Variants in SCARA3 observed in about 807,000 individuals in gnomAD.
The protein encoded by SCARA3 is cellular stress response gene protein.
A neutral mutation model predicts 47.0 loss-of-function variants in SCARA3; 39 were observed. That is an observed-to-expected ratio of 0.83 (90% CI 0.64 to 1.08). The LOEUF is 1.08. SCARA3 is among the 50% of genes least tolerant of loss of function. SCARA3 has a pLI of 0.00. For synonymous variants in SCARA3, 356 were observed against 334.1 expected, an observed-to-expected ratio of 1.07 and a Z score of -0.71; for missense variants, 724 against 792.3, an observed-to-expected ratio of 0.91 and a Z score of 1.04.
chr8:27,733,144 A>G, the SCARA3 span, among the ~76,000 whole-genome samples: 1 of 152,036 alleles, frequency 6.6e-6, no homozygotes, highest in South Asian at 2.1e-4. Context: ...CCTTCCCTTT[A>G]CTAGGATTTG....
At chr8:27,666,775 G>A (rs1235791778) in intron 5 of SCARA3, among the ~76,000 whole-genome samples, 1 of 152,096 alleles carries the variant, frequency 6.6e-6, no homozygotes, top group African/African-American at 2.4e-5. Flanking sequence ...TCCCATGGGT[G>A]GGCAGTGCTG....
chr8:27,635,112 GGGC>G (rs1801222426), intron 1 of SCARA3, among the ~76,000 whole-genome samples: 1 of 152,170 alleles, frequency 6.6e-6, no homozygotes, highest in Admixed American at 6.5e-5. Context: ...AAACTGAAAA[GGGC>G]CTTTGAGATC....
chr8:27,642,030 A>T (rs1801393133), intron 1 of SCARA3, among the ~76,000 whole-genome samples: 1 of 152,242 alleles, frequency 6.6e-6, no homozygotes, highest in Non-Finnish European at 1.5e-5. Flanking sequence ...GTGGAGTTAA[A>T]CACAGATTTA....
the SCARA3 span, among the ~76,000 whole-genome samples, chr8:27,687,686 T>A: frequency 1.3e-5 from 2 of 152,014 alleles, no homozygotes; most frequent in African/African-American, 4.8e-5. Context: ...CTCTCTGGTG[T>A]CTGGCCCAAG....
At chr8:27,641,193 G>A (rs549383966) in intron 1 of SCARA3, among the ~76,000 whole-genome samples, 11 of 152,246 alleles carry the variant, frequency 7.2e-5, no homozygotes, top group Non-Finnish European at 1.2e-4. Context: ...GTTCCTAGAA[G>A]GAGGATTACT....
the SCARA3 span, chr8:27,703,690 C>G: frequency 6.6e-6 from 1 of 152,010 alleles, no homozygotes; most frequent in Non-Finnish European, 1.5e-5. Context: ...GGACTCCGGA[C>G]CTGGAAAGAA....
the SCARA3 span, among the ~76,000 whole-genome samples, chr8:27,721,558 G>A: frequency 6.6e-6 from 1 of 152,172 alleles, no homozygotes; most frequent in South Asian, 2.1e-4. Flanking sequence ...GTTGGTTCTG[G>A]CCTTTAGAGT....
chr8:27,649,799 G>T lies in SCARA3; in HGVS notation c.105G>T (p.Lys35Asn), dbSNP rs1365019896. ...TGCCGACCTTCCCATGCACCCAGAAGGGTAAGGACTCTGGGGCTGCCCCTG... is the reference window on the plus strand; with the variant it reads ...TGCCGACCTTCCCATGCACCCAGAATGGTAAGGACTCTGGGGCTGCCCCTG... ...EDMPTFPCTQ[K>N]GRPGPRCSRC... The change falls in exon 2 of 6, where the codon AAG (lysine) becomes AAT (asparagine). Residue 35 changes from lysine to asparagine, a missense_variant and splice_region_variant. Physicochemically the swap from Lys to Asn is moderately conservative, Grantham distance 94. Transcript: ENST00000301904. 6.2e-7 allele frequency: 1 copy of T among 1,612,778 alleles called. No individual in the cohort carries two copies. The highest frequency in any genetic ancestry group is 1.3e-5 in the African/African-American group (1 of 74,916).
intron 5 of SCARA3, among the ~76,000 whole-genome samples, chr8:27,667,385 G>T (rs1022334234): frequency 6.6e-6 from 1 of 152,154 alleles, no homozygotes; most frequent in Non-Finnish European, 1.5e-5. Context: ...AAGGCTCTGG[G>T]GTCTTCCTCC....
intron 2 of SCARA3, 51 bp downstream of exon 2, chr8:27,649,851 T>A: frequency 6.8e-7 from 1 of 1,476,328 alleles, no homozygotes; most frequent in Non-Finnish European, 9.4e-7. Flanking sequence ...GAGAGATCCC[T>A]GTCTCCATCC....
chr8:27,642,985 G>A (rs1232617161), intron 1 of SCARA3, among the ~76,000 whole-genome samples: 5 of 152,116 alleles, frequency 3.3e-5, no homozygotes, highest in Non-Finnish European at 7.4e-5. Flanking sequence ...TGAGTGAGTA[G>A]CCTAGGTTCT....
intron 1 of SCARA3, among the ~76,000 whole-genome samples, chr8:27,647,259 A>C (rs1379849133): frequency 2.6e-5 from 4 of 152,056 alleles, no homozygotes; most frequent in East Asian, 3.9e-4. Context: ...CACATACACA[A>C]AGTTTAGTTT....
At chr8:27,725,343 A>G in the SCARA3 span, among the ~76,000 whole-genome samples, 1 of 151,714 alleles carries the variant, frequency 6.6e-6, no homozygotes, top group African/African-American at 2.4e-5. Context: ...GTACTGCTCT[A>G]TTTCCTAACC....
intron 5 of SCARA3, among the ~76,000 whole-genome samples, chr8:27,662,228 G>C (rs1801926663): frequency 6.6e-6 from 1 of 152,230 alleles, no homozygotes; most frequent in Non-Finnish European, 1.5e-5. Context: ...TTCTGGACCT[G>C]TGAGTCTGAC....
rs1241703968 is a variant in SCARA3 at position 27,646,963 on chromosome 8, ACCG to A, written c.8-2736_8-2734del. Among the ~76,000 whole-genome samples, 31 of 26,636 alleles carry A rather than the reference ACCG, an allele frequency of 1.2e-3. 5 individuals carry two copies. The highest frequency in any genetic ancestry group is 1.6e-3 in the Non-Finnish European group (23 of 14,142). The allele number at this position is 26,636 out of a possible 152,430, so 17.5% of individuals were successfully genotyped here. A position where few individuals can be genotyped will look rare whatever the true frequency, so the allele number is the denominator to read the frequency against. On this transcript the variant is annotated intron_variant, in intron 1 of 5. Coordinates refer to ENST00000301904, the MANE Select transcript of SCARA3 (RefSeq NM_016240.3). The stretch of plus-strand genomic sequence containing the variant: ...TCCAAAGCACTTGCCCGCACCCCTG[ACCG>A]CCCCCGCCCCCCCCCCGCACACACA...
the SCARA3 span, chr8:27,697,383 G>A: frequency 1.2e-5 from 1 of 84,690 alleles, no homozygotes; most frequent in Admixed American, 1.7e-4. Flanking sequence ...TGTTGCAGAT[G>A]TGGCCTGAGG....
intron 1 of SCARA3, among the ~76,000 whole-genome samples, chr8:27,634,895 G>A (rs1801216825): frequency 2.6e-5 from 4 of 152,200 alleles, no homozygotes; most frequent in Non-Finnish European, 4.4e-5. Flanking sequence ...CCAGGGCCTG[G>A]GTGTCTTTAG....
At chr8:27,657,540 C>CT (rs10548067) in intron 4 of SCARA3, among the ~76,000 whole-genome samples, 4,022 of 94,484 alleles carry the variant, frequency 0.043, 623 homozygotes, top group African/African-American at 0.17. Context: ...TGTATTCAAC[C>CT]TTTTTTTTTT....
At chr8:27,699,639 G>T in the SCARA3 span, among the ~76,000 whole-genome samples, 4 of 152,042 alleles carry the variant, frequency 2.6e-5, no homozygotes, top group African/African-American at 4.8e-5. Flanking sequence ...ATATCCAGAC[G>T]TTCTCTAGGT....
Sources: gnomAD v4.1 joint callset for allele counts (sites outside exome capture counted in the v4.1 genomes callset) on GRCh38, gnomAD v4.1.1 for gene constraint, MANE v1.5 for transcripts, NCBI Gene and HGNC (gene_info 2026-07-23, HGNC 2026-07-21) for gene names.